CREB3L2: variants seen among roughly 807,000 people sequenced by gnomAD.
CREB3L2 encodes the protein cAMP responsive element binding protein 3 like 2, also known as cyclic AMP-responsive element-binding protein 3-like protein 2.
CREB3L2 carries 23 observed loss-of-function variants against 57.2 expected under a neutral mutation model. The observed-to-expected ratio is 0.40, with a 90% CI of 0.29 to 0.57. The LOEUF (loss-of-function observed/expected upper bound fraction) is 0.57, where lower values mean the gene tolerates loss of function less well. Ranked by LOEUF, CREB3L2 falls within the 20% of genes least tolerant of loss-of-function variation. The pLI, the probability that CREB3L2 is intolerant of heterozygous loss-of-function variation, is 0.42. For missense variants in CREB3L2, 628 were observed against 634.7 expected (o/e 0.99, Z 0.11); for synonymous variants, 268 against 265.1 (o/e 1.01, Z -0.11).
At chr7:137,993,439 A>G (rs1368907307) in intron 1 of CREB3L2, among the ~76,000 whole-genome samples, 1 of 152,222 alleles carries the variant, frequency 6.6e-6, no homozygotes, top group Admixed American at 6.5e-5. Flanking sequence ...TCAACACTGA[A>G]TTACCCAAGT....
intron 1 of CREB3L2, among the ~76,000 whole-genome samples, chr7:137,983,234 C>A (rs1034842318): frequency 6.6e-6 from 1 of 152,268 alleles, no homozygotes; most frequent in Admixed American, 6.5e-5. Flanking sequence ...GTGGTGAATG[C>A]CTTCCAGAGG....
chr7:137,975,391 T>A (rs1021843202), intron 1 of CREB3L2, among the ~76,000 whole-genome samples: 1 of 152,196 alleles, frequency 6.6e-6, no homozygotes, highest in Non-Finnish European at 1.5e-5. Flanking sequence ...GCCTCTGCAA[T>A]CAGTTGGCTG....
chr7:137,993,703 T>C (rs568165879), intron 1 of CREB3L2, among the ~76,000 whole-genome samples: 3 of 152,106 alleles, frequency 2.0e-5, no homozygotes, highest in Non-Finnish European at 4.4e-5. Context: ...TAAAAATATA[T>C]AAAAACAGGC....
intron 9 of CREB3L2, 31 bp downstream of exon 9, chr7:137,885,372 G>C: frequency 6.4e-7 from 1 of 1,570,472 alleles, no homozygotes; most frequent in Non-Finnish European, 8.8e-7. Context: ...GGCCAGGGGC[G>C]GTCACTGTGC....
intron 1 of CREB3L2, among the ~76,000 whole-genome samples, chr7:137,978,567 T>C (rs899078520): frequency 6.6e-6 from 1 of 152,072 alleles, no homozygotes; most frequent in African/African-American, 2.4e-5. Context: ...CGGTACGATG[T>C]AAAGGTTAGG....
chr7:137,959,590 T>G (rs1427848529), intron 1 of CREB3L2, among the ~76,000 whole-genome samples: 1 of 152,220 alleles, frequency 6.6e-6, no homozygotes, highest in Non-Finnish European at 1.5e-5. Context: ...ATTTGTTATG[T>G]AGCAAAACCT....
At chr7:137,886,196 G>A (rs1261445792) in intron 8 of CREB3L2, among the ~76,000 whole-genome samples, 1 of 152,184 alleles carries the variant, frequency 6.6e-6, no homozygotes, top group Non-Finnish European at 1.5e-5. Flanking sequence ...AACAGACTAA[G>A]AAAATGTCGA....
rs10676214 is a variant in CREB3L2, at chr7:137,995,333, C to CTTTTTTTTTTTTTTTTTTTTTTTTTTT, written c.102+6270_102+6271insAAAAAAAAAAAAAAAAAAAAAAAAAAA. On this transcript the variant is annotated intron_variant, in intron 1 of 11. Coordinates refer to ENST00000330387, the MANE Select transcript of CREB3L2 (RefSeq NM_194071.4). ...CTATTTCTTTTTTTTTCTTTTCTTT[C>CTTTTTTTTTTTTTTTTTTTTTTTTTTT]TTTTTTTTTTTTTTTTTTTGAGACA... 2.9e-4 allele frequency among the ~76,000 whole-genome samples: 25 copies of CTTTTTTTTTTTTTTTTTTTTTTTTTTT among 87,424 alleles called. 1 individual carries two copies. Among genetic ancestry groups the CTTTTTTTTTTTTTTTTTTTTTTTTTTT allele is most frequent in the Non-Finnish European group, 3.2e-4 (16 of 50,264 alleles). 57.4% of individuals were successfully genotyped at this position (87,424 alleles called of 152,430 possible).
At chr7:137,904,793 C>T (rs1452963540) in intron 6 of CREB3L2, among the ~76,000 whole-genome samples, 1 of 147,592 alleles carries the variant, frequency 6.8e-6, no homozygotes, top group Non-Finnish European at 1.5e-5. Context: ...GAGCCGAGAT[C>T]ATGCCACTAC....
intron 8 of CREB3L2, among the ~76,000 whole-genome samples, chr7:137,896,247 C>A (rs1283755628): frequency 2.6e-5 from 4 of 152,240 alleles, no homozygotes; most frequent in Admixed American, 6.5e-5. Flanking sequence ...TTGAGCGAAG[C>A]AGCCCTGCTT....
intron 3 of CREB3L2, among the ~76,000 whole-genome samples, chr7:137,913,747 C>A (rs1468578637): frequency 2.0e-5 from 3 of 151,960 alleles, no homozygotes; most frequent in Admixed American, 1.3e-4. Flanking sequence ...GCTTCCACTC[C>A]CCCTATCCTC....
chr7:137,972,974 T>C (rs1014161292), intron 1 of CREB3L2, among the ~76,000 whole-genome samples: 4 of 150,746 alleles, frequency 2.7e-5, no homozygotes, highest in African/African-American at 7.3e-5. Flanking sequence ...TGTCCCCAAA[T>C]CCCTATATAG....
chr7:137,876,510 T>G lies in CREB3L2; in HGVS notation c.*3966A>C, dbSNP rs1011178686. 2 of 233,048 alleles carry G rather than the reference T, an allele frequency of 8.6e-6. No homozygotes were observed. Among genetic ancestry groups the G allele is most frequent in the Non-Finnish European group, 1.7e-5 (2 of 117,960 alleles). The allele number at this position is 233,048 out of a possible 1,614,324, so 14.4% of individuals were successfully genotyped here. A position where few individuals can be genotyped will look rare whatever the true frequency, so the allele number is the denominator to read the frequency against. On this transcript the variant is annotated 3_prime_UTR_variant, in exon 12 of 12. Coordinates refer to ENST00000330387, the MANE Select transcript of CREB3L2 (RefSeq NM_194071.4). ...TCTTCCTTATGAAACTGAAAAGTCT[T>G]AGGAGTAACTGAATGAGTGAGTGAA...
At chr7:137,978,093 T>C (rs541024751) in intron 1 of CREB3L2, among the ~76,000 whole-genome samples, 1 of 152,232 alleles carries the variant, frequency 6.6e-6, no homozygotes, top group African/African-American at 2.4e-5. Context: ...GTGAAATCAA[T>C]AGGTATTATC....
intron 4 of CREB3L2, among the ~76,000 whole-genome samples, chr7:137,910,726 G>A (rs1799988254): frequency 6.6e-6 from 1 of 152,066 alleles, no homozygotes. Flanking sequence ...CAAGCAGAGG[G>A]CACCCCACAA....
intron 1 of CREB3L2, among the ~76,000 whole-genome samples, chr7:137,962,764 G>A (rs1308148463): frequency 2.0e-5 from 3 of 152,142 alleles, no homozygotes; most frequent in Non-Finnish European, 4.4e-5. Context: ...TTCCATGGGG[G>A]CCGAACGTTT....
At chr7:137,965,778 A>G (rs952020180) in intron 1 of CREB3L2, among the ~76,000 whole-genome samples, 3 of 152,226 alleles carry the variant, frequency 2.0e-5, no homozygotes, top group African/African-American at 4.8e-5. Context: ...ATGGGATTCT[A>G]TGCCTGAGGA....
intron 1 of CREB3L2, among the ~76,000 whole-genome samples, chr7:137,987,536 G>A (rs1801812515): frequency 6.6e-6 from 1 of 152,354 alleles, no homozygotes; most frequent in East Asian, 1.9e-4. Context: ...TGCCACAGGT[G>A]ACCCCAGCTT....
intron 9 of CREB3L2, 109 bp downstream of exon 9, chr7:137,885,294 C>T (rs1326885015): frequency 6.7e-6 from 8 of 1,197,268 alleles, no homozygotes; most frequent in Non-Finnish European, 9.6e-6. Flanking sequence ...TGGAGTTCCT[C>T]CATGTGGTTT....
Sources: allele counts gnomAD v4.1 joint callset (sites outside exome capture counted in the v4.1 genomes callset), GRCh38; gene constraint gnomAD v4.1.1; transcripts MANE v1.5; gene names NCBI Gene and HGNC (gene_info 2026-07-23, HGNC 2026-07-21).